The following TENM2 variants were observed in gnomAD, a reference collection of about 807,000 sequenced individuals.
TENM2 encodes the protein teneurin-2.
Under a neutral mutation model 245.2 loss-of-function variants are expected in TENM2, and 52 were observed. The observed-to-expected ratio is 0.21, with a 90% CI of 0.17 to 0.27. The LOEUF is 0.27. Among genes scored for constraint, TENM2 ranks in the 10% least tolerant of loss-of-function variants. The pLI, the probability that TENM2 is intolerant of heterozygous loss-of-function variation, is 1.00. For synonymous variants in TENM2, 1,363 were observed against 1,438.9 expected (o/e 0.95, Z 1.19); for missense variants, 3,046 against 3,666.8 (o/e 0.83, Z 4.37).
intron 1 of TENM2, among the ~76,000 whole-genome samples, chr5:167,345,005 G>A (rs1264122261): frequency 6.6e-6 from 1 of 152,232 alleles, no homozygotes; most frequent in African/African-American, 2.4e-5. Context: ...TTAGAAGGCA[G>A]AGAGAGAATC....
At chr5:168,132,382 A>AT (rs989508478) in intron 12 of TENM2, among the ~76,000 whole-genome samples, 13 of 152,164 alleles carry the variant, frequency 8.5e-5, no homozygotes, top group Non-Finnish European at 8.8e-5. Context: ...AGATGGAAGC[A>AT]TTTTTTTGTA....
chr5:167,808,185 T>C (rs1766368607), intron 2 of TENM2, among the ~76,000 whole-genome samples: 1 of 152,192 alleles, frequency 6.6e-6, no homozygotes, highest in African/African-American at 2.4e-5. Flanking sequence ...AGGAAGCAAC[T>C]TAATCACTTT....
chr5:168,072,670 G>A (rs1312631063), intron 7 of TENM2, among the ~76,000 whole-genome samples: 5 of 152,278 alleles, frequency 3.3e-5, no homozygotes, highest in Middle Eastern at 6.8e-3. Flanking sequence ...CCTATGAAGT[G>A]TTTCCGGATG....
At chr5:167,431,559 A>G (rs1341537461) in intron 2 of TENM2, among the ~76,000 whole-genome samples, 1 of 152,154 alleles carries the variant, frequency 6.6e-6, no homozygotes, top group African/African-American at 2.4e-5. Context: ...ACATTATTAT[A>G]TCTCTCCTTT....
chr5:167,646,213 ATATATATATATATATATGTTGTTTTCT>A (rs1779951966), intron 2 of TENM2, among the ~76,000 whole-genome samples: 1 of 133,872 alleles, frequency 7.5e-6, no homozygotes, highest in Non-Finnish European at 1.5e-5. Context: ...ATATATATAT[ATATATATATATATATATGTTGTTTTCT>A]TATATATATG....
intron 2 of TENM2, among the ~76,000 whole-genome samples, chr5:167,608,991 T>A (rs1156692328): frequency 9.9e-6 from 1 of 101,498 alleles, no homozygotes; most frequent in Non-Finnish European, 2.7e-5. Flanking sequence ...AATTAAATAA[T>A]GTAAAAAAAT....
intron 9 of TENM2, among the ~76,000 whole-genome samples, chr5:168,110,950 T>C (rs920752401): frequency 6.6e-6 from 1 of 152,334 alleles, no homozygotes; most frequent in Non-Finnish European, 1.5e-5. Flanking sequence ...CTTGCGATCT[T>C]CGTTAACTTC....
rs537766964 is a variant in TENM2 at position 168,078,496 on chromosome 5, C to T, written c.1516-12078C>T. Among the ~76,000 whole-genome samples the T allele has an allele frequency of 2.0e-5, 3 of 152,156 alleles. No homozygotes were observed. The South Asian group carries it at 6.2e-4, about 32-fold the overall frequency. On this transcript the variant is annotated intron_variant, in intron 7 of 28. Coordinates refer to ENST00000518659, the Ensembl canonical transcript of TENM2. Reference sequence around the variant, plus strand: ...TGTTTTTGGTGTTTCAGTCGTGAAGCCCTTGCCCATGCCTATGGCCTGAAT... The same window carrying T: ...TGTTTTTGGTGTTTCAGTCGTGAAGTCCTTGCCCATGCCTATGGCCTGAAT...
At chr5:168,136,834 C>A (rs1176960130) in intron 12 of TENM2, among the ~76,000 whole-genome samples, 2 of 152,174 alleles carry the variant, frequency 1.3e-5, no homozygotes, top group Non-Finnish European at 2.9e-5. Context: ...AGATAAGCGG[C>A]TCTTAAAGAA....
At chr5:166,992,255 C>G in the TENM2 span, among the ~76,000 whole-genome samples, 2 of 152,070 alleles carry the variant, frequency 1.3e-5, 1 homozygote, top group South Asian at 4.1e-4. Context: ...TTATTGTAAA[C>G]AAAGGAGATC....
Position 167,775,325 on chromosome 5 carries a change from G to A in TENM2, c.503-100661G>A, listed in dbSNP as rs189718299. Among the ~76,000 whole-genome samples the A allele has an allele frequency of 4.4e-3, 666 of 152,290 alleles. 6 individuals are homozygous for A. Among genetic ancestry groups the A allele is most frequent in the South Asian group, 0.023 (110 of 4,824 alleles). On this transcript the variant is annotated intron_variant, in intron 2 of 28. Coordinates refer to ENST00000518659, the Ensembl canonical transcript of TENM2. Reference sequence around the variant, plus strand: ...CCAGTAAGCAGGAGGAAACCAGGTTGTGTGGCCCTTGTCGGATGGAATTTC... The same window carrying A: ...CCAGTAAGCAGGAGGAAACCAGGTTATGTGGCCCTTGTCGGATGGAATTTC...
intron 1 of TENM2, among the ~76,000 whole-genome samples, chr5:167,331,327 C>G (rs1216189917): frequency 6.6e-6 from 1 of 151,180 alleles, no homozygotes; most frequent in African/African-American, 2.4e-5. Flanking sequence ...ACTTAAATAT[C>G]AGTTGAAAGA....
chr5:167,682,868 C>T (rs1464351187), intron 2 of TENM2, among the ~76,000 whole-genome samples: 1 of 152,120 alleles, frequency 6.6e-6, no homozygotes, highest in Non-Finnish European at 1.5e-5. Flanking sequence ...ATCAGACTTT[C>T]TCATAGTTTA....
intron 2 of TENM2, among the ~76,000 whole-genome samples, chr5:167,382,529 A>C (rs58724977): frequency 0.15 from 22,675 of 152,190 alleles, 1,906 homozygotes; most frequent in Non-Finnish European, 0.19. Flanking sequence ...CTCACTCCCC[A>C]TCCTCATTTC....
intron 12 of TENM2, among the ~76,000 whole-genome samples, chr5:168,156,714 CT>C (rs796976966): frequency 2.2e-4 from 33 of 150,424 alleles, no homozygotes; most frequent in Non-Finnish European, 3.7e-4. Context: ...TGTGGACAGA[CT>C]TTTTTTTTTC....
the TENM2 span, among the ~76,000 whole-genome samples, chr5:167,081,125 A>C: frequency 6.6e-6 from 1 of 151,914 alleles, no homozygotes; most frequent in East Asian, 2.0e-4. Context: ...TTATGAGAAA[A>C]AATCAATATC....
At chr5:167,239,083 A>G in the TENM2 span, among the ~76,000 whole-genome samples, 29 of 152,236 alleles carry the variant, frequency 1.9e-4, no homozygotes, top group Non-Finnish European at 2.4e-4. Flanking sequence ...CAAAACAACA[A>G]TAAGATTCAC....
intron 13 of TENM2, among the ~76,000 whole-genome samples, chr5:168,163,516 C>G (rs990535257): frequency 6.6e-6 from 1 of 152,164 alleles, no homozygotes; most frequent in Non-Finnish European, 1.5e-5. Context: ...GTGGCTCACA[C>G]CTGTAATCCC....
intron 12 of TENM2, among the ~76,000 whole-genome samples, chr5:168,148,443 T>G (rs1371322519): frequency 6.6e-6 from 1 of 152,176 alleles, no homozygotes; most frequent in African/African-American, 2.4e-5. Flanking sequence ...TACCTCCTGA[T>G]CAGAACTACT....
Sources: gnomAD v4.1 joint callset for allele counts (sites outside exome capture counted in the v4.1 genomes callset) on GRCh38, gnomAD v4.1.1 for gene constraint, MANE v1.5 for transcripts, NCBI Gene and HGNC (gene_info 2026-07-23, HGNC 2026-07-21) for gene names.